Variants in PBX3 observed in about 807,000 individuals in gnomAD.
PBX3 encodes the protein PBX homeobox 3, also known as pre-B-cell leukemia transcription factor 3.
Under a neutral mutation model 48.5 loss-of-function variants are expected in PBX3, and 14 were observed. The ratio of observed to expected loss-of-function variants is 0.29; its 90% CI spans 0.19 to 0.45. PBX3 has a LOEUF of 0.45. Ranked by LOEUF, PBX3 falls within the 20% of genes least tolerant of loss-of-function variation. The pLI is 1.00. For missense variants in PBX3, 386 were observed against 546.7 expected (o/e 0.71, Z 2.93); for synonymous variants, 210 against 200.3 (o/e 1.05, Z -0.41).
At chr9:125,802,574 G>A (rs1837990444) in intron 2 of PBX3, among the ~76,000 whole-genome samples, 1 of 151,926 alleles carries the variant, frequency 6.6e-6, no homozygotes, top group African/African-American at 2.4e-5. Flanking sequence ...TCACTATGTT[G>A]TCCAGGCTGG....
chr9:125,949,560 A>G (rs1842144459), intron 5 of PBX3: 1 of 1,316,464 alleles, frequency 7.6e-7, no homozygotes. Context: ...TTACTCCAAA[A>G]ATGCATGAGA....
intron 2 of PBX3, among the ~76,000 whole-genome samples, chr9:125,789,758 G>A (rs1206690692): frequency 6.6e-6 from 1 of 152,108 alleles, no homozygotes; most frequent in African/African-American, 2.4e-5. Context: ...CACTCTGGGT[G>A]AAAGGGTATA....
At chr9:125,918,495 A>C (rs1841384112) in intron 3 of PBX3, among the ~76,000 whole-genome samples, 1 of 152,100 alleles carries the variant, frequency 6.6e-6, no homozygotes, top group South Asian at 2.1e-4. Context: ...GGAAGCACTG[A>C]GTTTAAAAAT....
chr9:125,813,570 T>C (rs2132133587), intron 2 of PBX3, among the ~76,000 whole-genome samples: 1 of 152,366 alleles, frequency 6.6e-6, no homozygotes, highest in Non-Finnish European at 1.5e-5. Context: ...GTTGGAACCA[T>C]TGTGTTTGCA....
At chr9:125,963,915 A>T (rs1363887337) in intron 8 of PBX3, among the ~76,000 whole-genome samples, 2 of 98,844 alleles carry the variant, frequency 2.0e-5, no homozygotes, top group South Asian at 4.3e-4. Flanking sequence ...GGACCATTAA[A>T]TACTCAAATC....
intron 2 of PBX3, among the ~76,000 whole-genome samples, chr9:125,770,868 A>G (rs1588130035): frequency 6.6e-6 from 1 of 152,240 alleles, no homozygotes; most frequent in Admixed American, 6.5e-5. Context: ...GCTTCATTGG[A>G]ACATTTTCAT....
intron 2 of PBX3, among the ~76,000 whole-genome samples, chr9:125,883,139 A>G (rs1003893024): frequency 3.9e-5 from 6 of 152,232 alleles, no homozygotes; most frequent in African/African-American, 1.4e-4. Flanking sequence ...CTTTTAATAT[A>G]TACAATCATT....
intron 2 of PBX3, among the ~76,000 whole-genome samples, chr9:125,827,923 G>T (rs1171244061): frequency 6.6e-6 from 1 of 151,954 alleles, no homozygotes; most frequent in Non-Finnish European, 1.5e-5. Flanking sequence ...AATTTATATT[G>T]CTACCAGTAA....
chr9:125,927,461 T>A (rs10987043), intron 3 of PBX3, among the ~76,000 whole-genome samples: 86,051 of 152,108 alleles, frequency 0.57, 27,013 homozygotes, highest in Middle Eastern at 0.73. Context: ...AATGAGCAGT[T>A]AGAAAAACCA....
intron 2 of PBX3, among the ~76,000 whole-genome samples, chr9:125,879,076 T>C (rs1411796442): frequency 8.7e-6 from 1 of 114,796 alleles, no homozygotes; most frequent in Non-Finnish European, 1.9e-5. Flanking sequence ...GACATGCTAT[T>C]CTTTTTTTTT....
intron 3 of PBX3, among the ~76,000 whole-genome samples, chr9:125,917,482 G>C (rs1045364652): frequency 1.7e-4 from 26 of 152,028 alleles, no homozygotes; most frequent in African/African-American, 6.3e-4. Context: ...ATCATTATAG[G>C]GTCATGCAGA....
At chr9:125,863,766 A>G (rs1432303666) in intron 2 of PBX3, among the ~76,000 whole-genome samples, 1 of 152,204 alleles carries the variant, frequency 6.6e-6, no homozygotes, top group African/African-American at 2.4e-5. Context: ...TCTATCTCAC[A>G]CAATTTTCCC....
At chr9:125,934,381 G>A (rs1240640055) in intron 4 of PBX3, among the ~76,000 whole-genome samples, 1 of 152,134 alleles carries the variant, frequency 6.6e-6, no homozygotes, top group Non-Finnish European at 1.5e-5. Flanking sequence ...AGATTATTTG[G>A]AAGAAAGTAT....
intron 2 of PBX3, among the ~76,000 whole-genome samples, chr9:125,763,759 A>C (rs1055872228): frequency 1.3e-5 from 2 of 152,028 alleles, no homozygotes; most frequent in Non-Finnish European, 2.9e-5. Flanking sequence ...CCCTCCTTTT[A>C]CTCCACTTTG....
At chr9:125,793,043 A>C (rs1187008043) in intron 2 of PBX3, among the ~76,000 whole-genome samples, 5 of 151,852 alleles carry the variant, frequency 3.3e-5, no homozygotes, top group Admixed American at 6.6e-5. Flanking sequence ...TAAAATGTAC[A>C]ATTTGATAAG....
chr9:125,900,222 C>A (rs1042935455), intron 2 of PBX3, among the ~76,000 whole-genome samples: 6 of 116,652 alleles, frequency 5.1e-5, no homozygotes, highest in Non-Finnish European at 1.0e-4. Context: ...ACACCCCTCC[C>A]CCCACATCCC....
At position 125,782,573 on chromosome 9, in the gene PBX3, A is replaced by G. The variant is rs554841568; in HGVS notation, c.274+33950A>G. ...CATTTGCCTTTTATTTATATAGGAA[A>G]CAATAAGGAGCTACATACCAAACAT... is the stretch of plus-strand genomic sequence containing the variant. On this transcript the variant is annotated intron_variant, in intron 2 of 8. Coordinates refer to ENST00000373489, the MANE Select transcript of PBX3 (RefSeq NM_006195.6). 3.9e-5 allele frequency among the ~76,000 whole-genome samples: 6 copies of G among 152,370 alleles called. No individual in the cohort carries two copies. The East Asian group carries it at 1.2e-3, about 29-fold the overall frequency.
chr9:125,816,924 CTT>C (rs1368470382), intron 2 of PBX3, among the ~76,000 whole-genome samples: 1 of 152,056 alleles, frequency 6.6e-6, no homozygotes, highest in Non-Finnish European at 1.5e-5. Flanking sequence ...ATGATTGGTC[CTT>C]TTTGACTATT....
Position 125,932,006 on chromosome 9 carries a change from C to T in PBX3, c.707+2161C>T, listed in dbSNP as rs147911174. On this transcript the variant is annotated intron_variant, in intron 4 of 8. Transcript: ENST00000373489. ...TTTCAGTGTTCTTATTTATATATCA[C>T]TAAATTGTTCTTTCCTGTGTTTCTT... Among the ~76,000 whole-genome samples the T allele has an allele frequency of 3.4e-3, 514 of 152,242 alleles. 4 individuals are homozygous for T. The highest frequency in any genetic ancestry group is 4.5e-3 in the Non-Finnish European group (309 of 68,016).
Sources: allele counts gnomAD v4.1 joint callset (sites outside exome capture counted in the v4.1 genomes callset), GRCh38; gene constraint gnomAD v4.1.1; transcripts MANE v1.5; gene names NCBI Gene and HGNC (gene_info 2026-07-23, HGNC 2026-07-21).